GAK: variants seen among roughly 807,000 people sequenced by gnomAD.
GAK encodes the protein cyclin-G-associated kinase.
Under a neutral mutation model 143.9 loss-of-function variants are expected in GAK, and 79 were observed. That is an observed-to-expected ratio of 0.55 (90% CI 0.46 to 0.66). The LOEUF is 0.66. Ranked by LOEUF, GAK falls within the 30% of genes least tolerant of loss-of-function variation. The pLI, the probability that GAK is intolerant of heterozygous loss-of-function variation, is 0.00. For missense variants in GAK, 1,693 were observed against 1,779.7 expected (o/e 0.95, Z 0.88); for synonymous variants, 881 against 765.5 (o/e 1.15, Z -2.49).
At chr4:866,224 T>C (rs1264144352) in intron 22 of GAK, 140 bp downstream of exon 22, 5 of 800,220 alleles carry the variant, frequency 6.2e-6, no homozygotes, top group Non-Finnish European at 9.9e-6. Context: ...GCAGGATGCT[T>C]GGGCCGCAAG....
At chr4:906,363 C>G (rs112823195) in intron 4 of GAK, among the ~76,000 whole-genome samples, 1 of 152,206 alleles carries the variant, frequency 6.6e-6, no homozygotes, top group African/African-American at 2.4e-5. Flanking sequence ...AGTGCCTGTG[C>G]GTGACCCACA....
rs143048455 is a variant in GAK, at chr4:879,526, G to A, written c.1662-1717C>T. ...TACTGTTTGTTCTAGGCTTTCTGAC[G>A]AGAACCTTGCGGCTGACATCTTTCT... On this transcript the variant is annotated intron_variant, in intron 15 of 27. Transcript: ENST00000314167. Among the ~76,000 whole-genome samples, 11 of 152,236 alleles carry A rather than the reference G, an allele frequency of 7.2e-5. No individual in the cohort carries two copies. The East Asian group carries it at 1.7e-3, about 24-fold the overall frequency.
In GAK at chr4:877,166, C is replaced by T. The variant is rs377332465; in HGVS notation, c.1898G>A (p.Gly633Asp). 1.6e-5 allele frequency: 26 copies of T among 1,613,884 alleles called. No homozygotes were observed. The highest frequency in any genetic ancestry group is 2.0e-5 in the Non-Finnish European group (24 of 1,179,910). ...IEDGKAVIPLGVTVQGDVLIV... is the reference protein window; with the variant it reads ...IEDGKAVIPLDVTVQGDVLIV... Reference sequence around the variant, plus strand: ...GAGCACGTCTCCTTGCACCGTGACGCCCAGGGGAATCACCGCTTTGCCATC... The same window carrying T: ...GAGCACGTCTCCTTGCACCGTGACGTCCAGGGGAATCACCGCTTTGCCATC... Residue 633 changes from glycine to aspartate, a missense_variant, in exon 17 of 28, where the codon GGC (glycine) becomes GAC (aspartate). Around this residue, in one of 2 missense-constraint regions of GAK, gnomAD observed 871 missense variants for 991.0 expected, o/e 0.88. Coordinates refer to ENST00000314167, the MANE Select transcript of GAK (RefSeq NM_005255.4).
At chr4:868,427 C>A in intron 20 of GAK, 112 bp downstream of exon 20, 2 of 1,086,216 alleles carry the variant, frequency 1.8e-6, no homozygotes, top group Non-Finnish European at 2.6e-6. Flanking sequence ...CACTGAGGTG[C>A]AACTCAGCTC....
At chr4:858,871 T>G (rs2279177) in intron 24 of GAK, among the ~76,000 whole-genome samples, 38,590 of 152,090 alleles carry the variant, frequency 0.25, 5,009 homozygotes, top group Non-Finnish European at 0.27. Context: ...CAGGAGCAGA[T>G]GCCATAGCCT....
rs574960973 is a variant in GAK at position 871,046 on chromosome 4, C to G, written c.2055-142G>C. On this transcript the variant is annotated intron_variant, in intron 18 of 27. Coordinates refer to ENST00000314167, the MANE Select transcript of GAK (RefSeq NM_005255.4). ...AACAACCAGGGCAGCCGGCCACCCC[C>G]GCCTGCGGAAGCTGGAGCCCTGTGA... The G allele has an allele frequency of 6.4e-5, 46 of 713,184 alleles. No individual in the cohort carries two copies. In the South Asian group the frequency reaches 8.9e-4, roughly 14 times the overall value. 44.2% of individuals were successfully genotyped at this position (713,184 alleles called of 1,614,324 possible). A position where few individuals can be genotyped will look rare whatever the true frequency, so the allele number is the denominator to read the frequency against.
At position 851,842 on chromosome 4, in the gene GAK, G is replaced by T. The variant is rs151123471; in HGVS notation, c.3416C>A (p.Pro1139His). The change falls in exon 25 of 28, where the codon CCC becomes CAC. Residue 1139 changes from proline (P) to histidine (H), a missense_variant. By Grantham distance (77) the Pro-to-His change is moderately conservative. This residue lies in a region of GAK where 822 missense variants were observed against 788.7 expected (regional missense o/e 1.04). Transcript: ENST00000314167. ...AGGCCTTGGCTGTGTGCAGGCTTTG[G>T]GGGGCGGCTTGGCCTGAGGGGGCCA... ...ASWPPQAKPP[P>H]KACTQPRPNY... The T allele has an allele frequency of 9.9e-6, 16 of 1,609,538 alleles. No homozygotes were observed. The South Asian group carries it at 1.2e-4, about 12-fold the overall frequency.
At chr4:865,875 G>A (rs539436235) in intron 22 of GAK, among the ~76,000 whole-genome samples, 16 of 152,366 alleles carry the variant, frequency 1.1e-4, no homozygotes, top group East Asian at 1.9e-4. Context: ...TGGCCCCACC[G>A]GCGTCTGTCT....
chr4:904,549 T>C (rs1262546189), intron 5 of GAK, 88 bp downstream of exon 5: 8 of 1,331,294 alleles, frequency 6.0e-6, no homozygotes, highest in Non-Finnish European at 8.1e-6. Context: ...GCCGCTACCT[T>C]GAGGTCCCTG....
chr4:856,664 A>C lies in GAK; in HGVS notation c.3283+2942T>G, dbSNP rs1271827252. Among the ~76,000 whole-genome samples the C allele has an allele frequency of 6.8e-5, 9 of 132,816 alleles. No homozygotes were observed. In the South Asian group the frequency reaches 1.5e-3, roughly 22 times the overall value. The allele number at this position is 132,816 out of a possible 152,430, so 87.1% of individuals were successfully genotyped here. A position where few individuals can be genotyped will look rare whatever the true frequency, so the allele number is the denominator to read the frequency against. On this transcript the variant is annotated intron_variant, in intron 24 of 27. Coordinates refer to ENST00000314167, the MANE Select transcript of GAK (RefSeq NM_005255.4). ...TGCTCACACCTGCTCACCATAGCTC[A>C]CCACAGCTGCTCACACCTGCTCACC...
intron 9 of GAK, among the ~76,000 whole-genome samples, chr4:891,924 C>T (rs1462356828): frequency 6.6e-6 from 1 of 152,218 alleles, no homozygotes; most frequent in East Asian, 1.9e-4. Flanking sequence ...CGCCCCACAC[C>T]TCAAAATGCT....
In GAK at chr4:866,425, T is replaced by C. The variant is rs1751180395; in HGVS notation, c.2982A>G (p.Pro994=). 6.2e-7 allele frequency: 1 copy of C among 1,614,068 alleles called. No individual in the cohort carries two copies. Among genetic ancestry groups the C allele is most frequent in the Non-Finnish European group, 8.5e-7 (1 of 1,179,990 alleles). Residue 994 remains proline, a synonymous_variant, in exon 22 of 28, where the codon CCA becomes CCG. Transcript: ENST00000314167. ...GAGCACTGTGGGCAGACGGGAAGGA[T>C]GGTGGGACGGTCACAGAGTCCGAAT... ...FLNSDSVTVP[P]SFPSAHSAPP...
At chr4:880,761 G>A (rs1217679303) in intron 15 of GAK, among the ~76,000 whole-genome samples, 1 of 152,188 alleles carries the variant, frequency 6.6e-6, no homozygotes, top group Non-Finnish European at 1.5e-5. Flanking sequence ...CTTGAAGCTG[G>A]TCCAGCTAGC....
At position 849,910 on chromosome 4, in the gene GAK, C is replaced by A; in HGVS notation, c.3816G>T (p.Leu1272=). Residue 1272 remains leucine (L), a synonymous_variant, in exon 27 of 28, where the codon CTG becomes CTT. Coordinates refer to ENST00000314167, the MANE Select transcript of GAK (RefSeq NM_005255.4). ...QVKKHYRRAV[L]AVHPDKAAGQ... ...TGCTCACCTTGTCGGGGTGCACAGC[C>A]AGCACCGCGCGGCGATAGTGCTTCT... is the stretch of plus-strand genomic sequence containing the variant. 6.2e-7 allele frequency: 1 copy of A among 1,601,332 alleles called. No individual in the cohort carries two copies. The highest frequency in any genetic ancestry group is 1.4e-5 in the African/African-American group (1 of 74,002).
chr4:890,370 C>T lies in GAK; in HGVS notation c.1081+162G>A, dbSNP rs9685952. ...AGCTCTGTGAGCCCCAGGGAACTGC[C>T]GAACCTGAGGGTGTGCTCAGGGACC... On this transcript the variant is annotated intron_variant, in intron 10 of 27. Transcript: ENST00000314167. 1.0e-2 allele frequency among the ~76,000 whole-genome samples: 1,519 copies of T among 152,268 alleles called. 29 individuals are homozygous for T. Among genetic ancestry groups the T allele is most frequent in the African/African-American group, 0.033 (1,368 of 41,536 alleles).
intron 11 of GAK, chr4:887,589 C>T (rs991562046): frequency 6.6e-6 from 1 of 151,786 alleles, no homozygotes; most frequent in Non-Finnish European, 1.5e-5. Context: ...CATGCGTACA[C>T]ATGCACGCGG....
chr4:925,417 G>A (rs750837043), intron 1 of GAK, among the ~76,000 whole-genome samples: 6 of 152,206 alleles, frequency 3.9e-5, no homozygotes, highest in Non-Finnish European at 8.8e-5. Flanking sequence ...AGTGCCGGGG[G>A]ACAGTGAGGT....
Position 849,583 on chromosome 4 carries a change from G to T in GAK, c.*90C>A. On this transcript the variant is annotated 3_prime_UTR_variant, in exon 28 of 28. Coordinates refer to ENST00000314167, the MANE Select transcript of GAK (RefSeq NM_005255.4). Reference sequence around the variant, plus strand: ...GAGCCCCACCCTGGCCACACCTGCTGTCGCCCACGGGGTCCTCACGGTGGG... The same window carrying T: ...GAGCCCCACCCTGGCCACACCTGCTTTCGCCCACGGGGTCCTCACGGTGGG... 1 of 1,010,252 alleles carries T rather than the reference G, an allele frequency of 9.9e-7. No homozygotes were observed. The highest frequency in any genetic ancestry group is 1.5e-6 in the Non-Finnish European group (1 of 658,110). The allele number at this position is 1,010,252 out of a possible 1,614,324, so 62.6% of individuals were successfully genotyped here.
chr4:855,842 C>G (rs1233385314), intron 24 of GAK, among the ~76,000 whole-genome samples: 1 of 152,220 alleles, frequency 6.6e-6, no homozygotes, highest in South Asian at 2.1e-4. Context: ...GTAATCCCAG[C>G]TACTCAGGAG....
Sources: allele counts gnomAD v4.1 joint callset (sites outside exome capture counted in the v4.1 genomes callset), GRCh38; gene constraint gnomAD v4.1.1; regional missense constraint gnomAD v4.1.1; transcripts MANE v1.5; gene names NCBI Gene and HGNC (gene_info 2026-07-23, HGNC 2026-07-21).